Variants in FAM168A observed in about 807,000 individuals in gnomAD.
FAM168A encodes the protein family with sequence similarity 168 member A.
In FAM168A, 3 loss-of-function variants were observed where a neutral mutation model predicts 28.5. The ratio of observed to expected loss-of-function variants is 0.11; its 90% CI spans 0.05 to 0.27. The LOEUF is 0.27. FAM168A is among the 10% of genes least tolerant of loss of function. The probability of loss-of-function intolerance (pLI) is 1.00; values close to 1 mark genes in which losing one functional copy is unlikely to be tolerated. For synonymous variants in FAM168A, 122 were observed against 124.2 expected, an observed-to-expected ratio of 0.98 and a Z score of 0.12; for missense variants, 222 against 311.5, an observed-to-expected ratio of 0.71 and a Z score of 2.16.
At chr11:73,486,809 A>C (rs1868059115) in intron 1 of FAM168A, among the ~76,000 whole-genome samples, 1 of 152,222 alleles carries the variant, frequency 6.6e-6, no homozygotes. Flanking sequence ...ATGTGGTATC[A>C]ATGTTTGAAT....
At chr11:73,572,093 C>A (rs1215280298) in intron 1 of FAM168A, among the ~76,000 whole-genome samples, 3 of 151,708 alleles carry the variant, frequency 2.0e-5, no homozygotes, top group Non-Finnish European at 2.9e-5. Context: ...CCCCTCCGCC[C>A]GGCAGCCACC....
intron 1 of FAM168A, among the ~76,000 whole-genome samples, chr11:73,583,034 A>ATG (rs1487231482): frequency 6.6e-6 from 1 of 152,144 alleles, no homozygotes; most frequent in African/African-American, 2.4e-5. Context: ...GCCAGGTGCA[A>ATG]TGGCTCATGC....
In FAM168A at chr11:73,409,527, G is replaced by A. The variant is rs775472630; in HGVS notation, c.555C>T (p.Ala185=). The part of the protein sequence containing the change: ...PVAAPRTNGV[A]MGMVAGTTMA... The stretch of plus-strand genomic sequence containing the variant: ...TGGTGGTGCCTGCCACCATGCCCAT[G>A]GCCACACCGTTGGTCCTCGGGGCGG... Residue 185 remains alanine, a synonymous_variant, in exon 6 of 8, where the codon GCC becomes GCT. Transcript: ENST00000356467. 5.0e-6 allele frequency: 8 copies of A among 1,614,076 alleles called. No individual in the cohort carries two copies. Among genetic ancestry groups the A allele is most frequent in the East Asian group, 4.5e-5 (2 of 44,884 alleles).
intron 5 of FAM168A, chr11:73,410,789 ATG>A (rs1349974124): frequency 6.6e-6 from 1 of 152,254 alleles, no homozygotes; most frequent in African/African-American, 2.4e-5. Flanking sequence ...CTCCAGAAGA[ATG>A]TGTCATGGGT....
chr11:73,595,507 A>AT lies in FAM168A; in HGVS notation c.-19+2415dup, dbSNP rs1429852181. Among the ~76,000 whole-genome samples, 3 of 151,582 alleles carry AT rather than the reference A, an allele frequency of 2.0e-5. No individual in the cohort carries two copies. In the South Asian group the frequency reaches 6.2e-4, roughly 32 times the overall value. ...TTTTATCTTCTTTACATCCCTCCTC[A>AT]TTTTTTTTCAGTCTGAGCTCTAATC... On this transcript the variant is annotated intron_variant, in intron 1 of 7. Transcript: ENST00000356467.
chr11:73,413,246 A>G (rs1012094140), intron 4 of FAM168A, among the ~76,000 whole-genome samples: 1 of 152,068 alleles, frequency 6.6e-6, no homozygotes, highest in Non-Finnish European at 1.5e-5. Context: ...GATTCACGTC[A>G]TTTATTTTTT....
intron 1 of FAM168A, chr11:73,510,772 G>T: frequency 2.6e-6 from 1 of 377,518 alleles, no homozygotes; most frequent in South Asian, 1.4e-4. Context: ...TGGCTTCCTA[G>T]GGTTTATTGT....
chr11:73,529,796 C>CTTTTTTTT lies in FAM168A; in HGVS notation c.-18-61312_-18-61305dup, dbSNP rs772530179. 3.7e-3 allele frequency among the ~76,000 whole-genome samples: 470 copies of CTTTTTTTT among 127,438 alleles called. 23 individuals carry two copies. Among genetic ancestry groups the CTTTTTTTT allele is most frequent in the African/African-American group, 0.015 (446 of 29,616 alleles). 83.6% of individuals were successfully genotyped at this position (127,438 alleles called of 152,430 possible). On this transcript the variant is annotated intron_variant, in intron 1 of 7. Coordinates refer to ENST00000356467, the MANE Select transcript of FAM168A (RefSeq NM_015159.3). ...TCCTTCATTCAAACAACTTTTTCTT[C>CTTTTTTTT]TTTTTTTTTTTTTTTTGGAGACGCA...
chr11:73,483,215 T>A (rs995945858), intron 1 of FAM168A, among the ~76,000 whole-genome samples: 5 of 152,228 alleles, frequency 3.3e-5, no homozygotes, highest in Non-Finnish European at 5.9e-5. Context: ...GTTTTTATCA[T>A]TATTTTGCCT....
chr11:73,590,519 G>T (rs1277057357), intron 1 of FAM168A, among the ~76,000 whole-genome samples: 1 of 152,168 alleles, frequency 6.6e-6, no homozygotes, highest in African/African-American at 2.4e-5. Flanking sequence ...TGAAAAGCCA[G>T]TCACACCTAT....
At chr11:73,593,196 A>G (rs1944401689) in intron 1 of FAM168A, among the ~76,000 whole-genome samples, 1 of 152,222 alleles carries the variant, frequency 6.6e-6, no homozygotes, top group Admixed American at 6.5e-5. Context: ...GAGAGAGAAG[A>G]TGGGAGATTC....
chr11:73,459,401 G>A (rs1212368334), intron 2 of FAM168A, among the ~76,000 whole-genome samples: 2 of 151,630 alleles, frequency 1.3e-5, no homozygotes, highest in South Asian at 2.1e-4. Context: ...CAGGAGAATG[G>A]CGTGAACCTG....
rs192042751 is a variant in FAM168A at position 73,591,390 on chromosome 11, T to C, written c.-19+6533A>G. On this transcript the variant is annotated intron_variant, in intron 1 of 7. Coordinates refer to ENST00000356467, the MANE Select transcript of FAM168A (RefSeq NM_015159.3). ...ACACAAATATGAGGATTAAATTCTA[T>C]CTATAAGGAAAAGAAAGCACCCAGC... Among the ~76,000 whole-genome samples, 25 of 152,302 alleles carry C rather than the reference T, an allele frequency of 1.6e-4. No homozygotes were observed. In the South Asian group the frequency reaches 3.1e-3, roughly 19 times the overall value.
intron 1 of FAM168A, among the ~76,000 whole-genome samples, chr11:73,591,704 C>G (rs1268474806): frequency 2.0e-5 from 3 of 152,078 alleles, no homozygotes; most frequent in African/African-American, 4.8e-5. Context: ...GAGACTGGAT[C>G]TCACTATGTT....
chr11:73,427,349 A>G (rs1866905819), intron 3 of FAM168A, among the ~76,000 whole-genome samples: 1 of 150,422 alleles, frequency 6.6e-6, no homozygotes, highest in African/African-American at 2.5e-5. Flanking sequence ...ATGAGGGCTT[A>G]CTTTTTGCTT....
At chr11:73,507,385 A>G (rs1855136491) in intron 1 of FAM168A, among the ~76,000 whole-genome samples, 1 of 152,232 alleles carries the variant, frequency 6.6e-6, no homozygotes, top group Admixed American at 6.5e-5. Context: ...AAAAATAAAC[A>G]AAACCCATCT....
chr11:73,429,980 G>A (rs1437801147), intron 3 of FAM168A, among the ~76,000 whole-genome samples: 3 of 152,138 alleles, frequency 2.0e-5, no homozygotes, highest in Non-Finnish European at 1.5e-5. Context: ...AGTGAGTTGG[G>A]TAATCAGGAT....
chr11:73,580,103 C>A, intron 1 of FAM168A: 1 of 337,518 alleles, frequency 3.0e-6, no homozygotes, highest in Non-Finnish European at 5.8e-6. Context: ...ACTGATGCTA[C>A]AATCTGTCAA....
chr11:73,441,827 T>C (rs1867201220), intron 2 of FAM168A, among the ~76,000 whole-genome samples: 1 of 152,246 alleles, frequency 6.6e-6, no homozygotes, highest in Non-Finnish European at 1.5e-5. Context: ...CATATTCCTT[T>C]TTATTTCTAT....
Sources: allele counts gnomAD v4.1 joint callset (sites outside exome capture counted in the v4.1 genomes callset), GRCh38; gene constraint gnomAD v4.1.1; transcripts MANE v1.5; gene names NCBI Gene and HGNC (gene_info 2026-07-23, HGNC 2026-07-21).